The following ROR2 variants were observed in gnomAD, a reference collection of about 807,000 sequenced individuals.
ROR2 encodes the protein ROR family WNT receptor 2.
A neutral mutation model predicts 74.9 loss-of-function variants in ROR2; 33 were observed. The observed-to-expected ratio is 0.44, with a 90% CI of 0.33 to 0.59. ROR2 has a LOEUF of 0.59. ROR2 is among the 20% of genes least tolerant of loss of function. The probability of loss-of-function intolerance (pLI) is 0.02; values close to 1 mark genes in which losing one functional copy is unlikely to be tolerated. For synonymous variants in ROR2, 586 were observed against 558.7 expected, an observed-to-expected ratio of 1.05 and a Z score of -0.69; for missense variants, 1,216 against 1,313.8, an observed-to-expected ratio of 0.93 and a Z score of 1.15.
chr9:91,769,737 C>T (rs1262882630), intron 2 of ROR2, among the ~76,000 whole-genome samples: 5 of 152,170 alleles, frequency 3.3e-5, no homozygotes, highest in African/African-American at 9.7e-5. Flanking sequence ...CAGCCAGCAC[C>T]GCTCACTCCC....
chr9:91,796,454 A>C (rs1025446154), intron 1 of ROR2, among the ~76,000 whole-genome samples: 2 of 151,952 alleles, frequency 1.3e-5, no homozygotes, highest in South Asian at 2.1e-4. Flanking sequence ...AAAAAAAAAA[A>C]ACATTTTCAC....
intron 1 of ROR2, among the ~76,000 whole-genome samples, chr9:91,904,042 GT>G (rs551800062): frequency 0.043 from 5,460 of 126,564 alleles, 132 homozygotes; most frequent in Middle Eastern, 0.081. Flanking sequence ...TTTTGTTTTT[GT>G]TTTTTTTTGG....
intron 1 of ROR2, 115 bp from the exon 2 acceptor site, chr9:91,775,933 AAC>A (rs913177248): frequency 6.1e-6 from 5 of 815,584 alleles, no homozygotes; most frequent in South Asian, 1.4e-5. Context: ...ATTTGTAGAA[AAC>A]ACAGAGGGAT....
intron 1 of ROR2, among the ~76,000 whole-genome samples, chr9:91,890,028 A>T (rs1830385970): frequency 6.6e-6 from 1 of 152,144 alleles, no homozygotes; most frequent in African/African-American, 2.4e-5. Context: ...CACTGACTGG[A>T]CCCCAGGGCA....
chr9:91,935,612 G>C (rs1180912974), intron 1 of ROR2, among the ~76,000 whole-genome samples: 1 of 152,226 alleles, frequency 6.6e-6, no homozygotes, highest in Non-Finnish European at 1.5e-5. Flanking sequence ...CCCTGTAAGA[G>C]AAACAAAGGC....
chr9:91,889,580 G>A (rs1429621866), intron 1 of ROR2, among the ~76,000 whole-genome samples: 5 of 152,254 alleles, frequency 3.3e-5, no homozygotes, highest in Non-Finnish European at 7.3e-5. Flanking sequence ...CACACCTACA[G>A]GGCGGGCCAG....
At chr9:91,871,831 G>A (rs554709271) in intron 1 of ROR2, among the ~76,000 whole-genome samples, 1 of 152,238 alleles carries the variant, frequency 6.6e-6, no homozygotes, top group Admixed American at 6.5e-5. Flanking sequence ...GGGTTCTTGG[G>A]TCGAGAGACC....
chr9:91,772,335 C>T (rs565858366), intron 2 of ROR2, among the ~76,000 whole-genome samples: 2 of 152,356 alleles, frequency 1.3e-5, no homozygotes, highest in East Asian at 3.9e-4. Context: ...CCAGCATCAG[C>T]TACTGTTTCT....
At chr9:91,822,161 C>G (rs948142434) in intron 1 of ROR2, among the ~76,000 whole-genome samples, 5 of 152,156 alleles carry the variant, frequency 3.3e-5, no homozygotes. Flanking sequence ...TGAACTGGAA[C>G]CAGCTATACA....
intron 1 of ROR2, among the ~76,000 whole-genome samples, chr9:91,908,381 G>A (rs1223550078): frequency 6.6e-6 from 1 of 152,212 alleles, no homozygotes; most frequent in African/African-American, 2.4e-5. Flanking sequence ...AAATGTAATA[G>A]TAAAAACATA....
chr9:91,811,146 C>T (rs1189117877), intron 1 of ROR2, among the ~76,000 whole-genome samples: 1 of 152,248 alleles, frequency 6.6e-6, no homozygotes, highest in Non-Finnish European at 1.5e-5. Flanking sequence ...ATCTTTCCTT[C>T]CCACACCTCC....
Position 91,949,938 on chromosome 9 carries a change from C to A in ROR2, c.26G>T (p.Arg9Leu). The A allele has an allele frequency of 1.3e-6, 2 of 1,512,640 alleles. No homozygotes were observed. The highest frequency in any genetic ancestry group is 1.8e-6 in the Non-Finnish European group (2 of 1,133,822). The allele number at this position is 1,512,640 out of a possible 1,614,324, so 93.7% of individuals were successfully genotyped here. The change falls in exon 1 of 9, where the codon CGG becomes CTG. Residue 9 changes from arginine (R) to leucine (L), a missense_variant. Coordinates refer to ENST00000375708, the MANE Select transcript of ROR2 (RefSeq NM_004560.4). The stretch of plus-strand genomic sequence containing the variant: ...GGCCGGGATGCACAGCAGCGGCCGC[C>A]GCGGGAGCGCCGAGCCCCGGGCCAT... MARGSALP[R>L]RPLLCIPAVW...
intron 1 of ROR2, among the ~76,000 whole-genome samples, chr9:91,855,915 G>A (rs1829267876): frequency 6.6e-6 from 1 of 152,078 alleles, no homozygotes; most frequent in African/African-American, 2.4e-5. Flanking sequence ...ATGATCCTGG[G>A]GCTCTGGGTT....
chr9:91,924,796 T>A (rs528804085), intron 1 of ROR2, among the ~76,000 whole-genome samples: 12 of 148,560 alleles, frequency 8.1e-5, no homozygotes, highest in African/African-American at 2.5e-4. Flanking sequence ...AAAAAAAAAA[T>A]TCTGATTCAA....
intron 7 of ROR2, among the ~76,000 whole-genome samples, chr9:91,730,655 T>G (rs762637272): frequency 1.3e-5 from 2 of 152,210 alleles, no homozygotes; most frequent in Non-Finnish European, 2.9e-5. Flanking sequence ...GGTTTCACCA[T>G]GTTGACCAGG....
At chr9:91,900,994 T>A (rs891806392) in intron 1 of ROR2, among the ~76,000 whole-genome samples, 3 of 152,192 alleles carry the variant, frequency 2.0e-5, no homozygotes, top group Non-Finnish European at 4.4e-5. Flanking sequence ...GGGTTTTTAA[T>A]GTGTACTACG....
chr9:91,777,952 C>CG (rs1826475526), intron 1 of ROR2, among the ~76,000 whole-genome samples: 1 of 152,136 alleles, frequency 6.6e-6, no homozygotes, highest in Non-Finnish European at 1.5e-5. Context: ...TTCCCAGACT[C>CG]GGGGGGTCTG....
intron 1 of ROR2, among the ~76,000 whole-genome samples, chr9:91,915,453 T>C (rs1333491773): frequency 6.6e-6 from 1 of 152,174 alleles, no homozygotes; most frequent in African/African-American, 2.4e-5. Context: ...AGGTGGTGTG[T>C]CTGGAGTTTT....
rs1353369466 is a variant in ROR2 at position 91,733,410 on chromosome 9, T to C, written c.649A>G (p.Thr217Ala). The C allele has an allele frequency of 6.2e-7, 1 of 1,611,536 alleles. No homozygotes were observed. The highest frequency in any genetic ancestry group is 8.5e-7 in the Non-Finnish European group (1 of 1,179,734). ...TAAFTMIGTS[T>A]HLSDQCSQFA... ...TGTGAGCACTGGTCCGACAGGTGCGTAGACGTGCCGATCATGGTGAAGGCC... is the reference window on the plus strand; with the variant it reads ...TGTGAGCACTGGTCCGACAGGTGCGCAGACGTGCCGATCATGGTGAAGGCC... Residue 217 changes from threonine (T) to alanine (A), a missense_variant, in exon 6 of 9, where the codon ACG becomes GCG. Thr to Ala is a moderately conservative substitution (Grantham distance 58, BLOSUM62 0). Transcript: ENST00000375708. The surrounding 1 kb of genome is among the most constrained non-coding windows in gnomAD (Gnocchi z 5.7).
Sources: allele counts gnomAD v4.1 joint callset (sites outside exome capture counted in the v4.1 genomes callset), GRCh38; gene constraint gnomAD v4.1.1; non-coding constraint Gnocchi (gnomAD v3.1); transcripts MANE v1.5; gene names NCBI Gene and HGNC (gene_info 2026-07-23, HGNC 2026-07-21).